The following CD200 variants were observed in gnomAD, a reference collection of about 807,000 sequenced individuals.
CD200 encodes the protein CD200 molecule, also known as OX-2 membrane glycoprotein.
In CD200, 15 loss-of-function variants were observed where a neutral mutation model predicts 30.9. That is an observed-to-expected ratio of 0.49 (90% CI 0.32 to 0.75). The LOEUF is 0.75. CD200 is among the 30% of genes least tolerant of loss of function. The probability of loss-of-function intolerance (pLI) is 0.03; values close to 1 mark genes in which losing one functional copy is unlikely to be tolerated. For missense variants in CD200, 262 were observed against 324.2 expected, an observed-to-expected ratio of 0.81 and a Z score of 1.47; for synonymous variants, 134 against 126.2, an observed-to-expected ratio of 1.06 and a Z score of -0.41.
intron 4 of CD200, 57 bp downstream of exon 4, chr3:112,347,887 G>T: frequency 1.3e-6 from 2 of 1,486,978 alleles, no homozygotes; most frequent in Non-Finnish European, 1.8e-6. Context: ...GACCTGGAAG[G>T]CAGTGAATGT....
chr3:112,349,502 A>G (rs112397695), intron 4 of CD200, among the ~76,000 whole-genome samples: 190 of 152,314 alleles, frequency 1.2e-3, no homozygotes, highest in African/African-American at 4.3e-3. Flanking sequence ...ATTAAATGCG[A>G]TAAGTTTAAA....
chr3:112,345,161 G>C lies in CD200; in HGVS notation c.294G>C (p.Gln98His). 6.2e-7 allele frequency: 1 copy of C among 1,614,118 alleles called. No individual in the cohort carries two copies. The highest frequency in any genetic ancestry group is 1.3e-5 in the African/African-American group (1 of 75,046). Residue 98 changes from glutamine to histidine, a missense_variant, in exon 3 of 6, where the codon CAG (glutamine) becomes CAC (histidine). By Grantham distance (24) the Gln-to-His change is conservative (BLOSUM62 0). Transcript: ENST00000315711. ...PAYKDKINIT[Q>H]LGLQNSTITF... is the part of the protein sequence containing the mutation. ...ATAAGGACAAGATAAACATTACCCA[G>C]CTGGGACTCCAAAACTCAACCATCA... is the stretch of plus-strand genomic sequence containing the variant.
At position 112,342,867 on chromosome 3, in the gene CD200, G is replaced by A. The variant is rs538507464; in HGVS notation, c.94+1884G>A. Among the ~76,000 whole-genome samples, 13 of 152,188 alleles carry A rather than the reference G, an allele frequency of 8.5e-5. 1 individual carries two copies. Among genetic ancestry groups the A allele is most frequent in the South Asian group, 2.1e-4 (1 of 4,822 alleles). ...TTTCTAATTTTATTGTATTATGAAC[G>A]GTGTTCAAGGCCATACGTAGGGTAG... On this transcript the variant is annotated intron_variant, in intron 2 of 5. Coordinates refer to ENST00000315711, the MANE Select transcript of CD200 (RefSeq NM_005944.7).
intron 3 of CD200, among the ~76,000 whole-genome samples, chr3:112,346,366 T>A (rs1178302772): frequency 1.3e-5 from 2 of 152,040 alleles, no homozygotes; most frequent in Non-Finnish European, 2.9e-5. Flanking sequence ...TTCCTCACCT[T>A]TCTTTCTCTT....
chr3:112,336,013 A>C (rs765294341), intron 1 of CD200: 1 of 1,605,902 alleles, frequency 6.2e-7, no homozygotes, highest in Non-Finnish European at 8.5e-7. Flanking sequence ...ATCAATGATT[A>C]CCAGGTAATT....
chr3:112,361,481 A>C, intron 5 of CD200, 62 bp from the exon 6 acceptor site: 8 of 1,235,966 alleles, frequency 6.5e-6, no homozygotes, highest in Non-Finnish European at 9.6e-6. Context: ...TATCTTCTTA[A>C]AATGTATTAT....
intron 5 of CD200, among the ~76,000 whole-genome samples, chr3:112,352,775 A>G (rs2081558255): frequency 1.3e-5 from 2 of 152,234 alleles, no homozygotes; most frequent in Admixed American, 1.3e-4. Flanking sequence ...ATCACTACTC[A>G]TTGCTCACAA....
chr3:112,342,358 T>C (rs868295564), intron 2 of CD200, among the ~76,000 whole-genome samples: 6,616 of 20,256 alleles, frequency 0.33, 1,379 homozygotes, highest in African/African-American at 0.38. Flanking sequence ...TCTTTCTTTC[T>C]TTCTTTCTTT....
intron 2 of CD200, among the ~76,000 whole-genome samples, chr3:112,342,476 G>A (rs1292653009): frequency 2.7e-5 from 4 of 149,238 alleles, no homozygotes; most frequent in African/African-American, 7.5e-5. Flanking sequence ...AGGCTGGAGT[G>A]CAGTGGCACA....
chr3:112,354,401 C>G (rs1399352164), intron 5 of CD200, among the ~76,000 whole-genome samples: 4 of 152,178 alleles, frequency 2.6e-5, no homozygotes, highest in Non-Finnish European at 5.9e-5. Flanking sequence ...ATCTCTGCTC[C>G]TTTTGCATTT....
intron 1 of CD200, among the ~76,000 whole-genome samples, chr3:112,340,629 G>A (rs371843990): frequency 2.0e-5 from 3 of 152,198 alleles, no homozygotes; most frequent in African/African-American, 2.4e-5. Context: ...TTGAGACCTC[G>A]CTCTTGACAA....
chr3:112,341,227 A>C (rs949196902), intron 2 of CD200, among the ~76,000 whole-genome samples: 1 of 152,198 alleles, frequency 6.6e-6, no homozygotes, highest in African/African-American at 2.4e-5. Flanking sequence ...TTATGAAAAA[A>C]TCCTCTATTT....
intron 5 of CD200, among the ~76,000 whole-genome samples, chr3:112,351,115 A>G (rs530917755): frequency 1.0e-3 from 153 of 152,280 alleles, no homozygotes; most frequent in African/African-American, 3.5e-3. Context: ...TTCTTTTCCA[A>G]TTAGGAAACT....
At position 112,340,466 on chromosome 3, in the gene CD200, A is replaced by T. The variant is rs536483687; in HGVS notation, c.13-436A>T. 3.9e-4 allele frequency among the ~76,000 whole-genome samples: 60 copies of T among 152,378 alleles called. 1 individual carries two copies. The highest frequency in any genetic ancestry group is 1.3e-3 in the African/African-American group (55 of 41,590). On this transcript the variant is annotated intron_variant, in intron 1 of 5. Coordinates refer to ENST00000315711, the MANE Select transcript of CD200 (RefSeq NM_005944.7). ...CCTCAACAAAATTCAAGGCAGTCAA[A>T]TAATGTTCTTGAAAAGTGGTTACCC...
intron 2 of CD200, among the ~76,000 whole-genome samples, chr3:112,342,338 CTTCTTTCTTTCTTTCT>C (rs869284838): frequency 0.022 from 488 of 21,834 alleles, 21 homozygotes; most frequent in South Asian, 0.057. Context: ...TCTTTCTTTC[CTTCTTTCTTTCTTTCT>C]TTCTTTCTTT....
intron 2 of CD200, among the ~76,000 whole-genome samples, chr3:112,343,394 C>T (rs961821934): frequency 6.6e-6 from 1 of 152,130 alleles, no homozygotes; most frequent in Non-Finnish European, 1.5e-5. Context: ...TCCTTGAACT[C>T]CTGGCCTTAA....
chr3:112,351,874 G>T (rs975666349), intron 5 of CD200, among the ~76,000 whole-genome samples: 1 of 152,176 alleles, frequency 6.6e-6, no homozygotes, highest in Admixed American at 6.5e-5. Flanking sequence ...AGTGTGTGCA[G>T]AGATCAGATG....
intron 5 of CD200, among the ~76,000 whole-genome samples, chr3:112,354,040 A>C (rs1026834067): frequency 6.6e-6 from 1 of 152,228 alleles, no homozygotes; most frequent in East Asian, 1.9e-4. Context: ...CTATCATGCC[A>C]AGATGACATA....
intron 5 of CD200, among the ~76,000 whole-genome samples, chr3:112,354,207 G>C (rs775584004): frequency 3.9e-5 from 6 of 152,058 alleles, no homozygotes; most frequent in Non-Finnish European, 8.8e-5. Flanking sequence ...ACATCTCTAG[G>C]AATCAAGACA....
Sources: allele counts gnomAD v4.1 joint callset (sites outside exome capture counted in the v4.1 genomes callset), GRCh38; gene constraint gnomAD v4.1.1; transcripts MANE v1.5; gene names NCBI Gene and HGNC (gene_info 2026-07-23, HGNC 2026-07-21).